Variants in ATP6V1C2 observed in about 807,000 individuals in gnomAD.
ATP6V1C2 encodes ATPase H+ transporting V1 subunit C2, also known as V-type proton ATPase subunit C 2.
A neutral mutation model predicts 56.8 loss-of-function variants in ATP6V1C2; 45 were observed. The observed-to-expected ratio is 0.79, with a 90% CI of 0.62 to 1.02. The LOEUF (loss-of-function observed/expected upper bound fraction) is 1.02, where lower values mean the gene tolerates loss of function less well. ATP6V1C2 is among the 50% of genes least tolerant of loss of function. The pLI is 0.00. For synonymous variants in ATP6V1C2, 220 were observed against 201.3 expected, an observed-to-expected ratio of 1.09 and a Z score of -0.79; for missense variants, 463 against 519.7, an observed-to-expected ratio of 0.89 and a Z score of 1.06.
intron 3 of ATP6V1C2, among the ~76,000 whole-genome samples, chr2:10,737,855 A>T (rs954973694): frequency 2.6e-5 from 4 of 151,996 alleles, no homozygotes; most frequent in African/African-American, 9.7e-5. Context: ...CACCAGGCCC[A>T]GCTATTTTTT....
intron 3 of ATP6V1C2, among the ~76,000 whole-genome samples, chr2:10,732,843 C>T (rs941149281): frequency 3.3e-5 from 5 of 151,570 alleles, no homozygotes; most frequent in South Asian, 4.2e-4. Context: ...TGGTGGCAGG[C>T]GCCTGTAGTC....
chr2:10,783,416 T>A lies in ATP6V1C2; in HGVS notation c.*153T>A. 1.9e-6 allele frequency: 1 copy of A among 518,540 alleles called. No homozygotes were observed. The highest frequency in any genetic ancestry group is 3.2e-5 in the East Asian group (1 of 30,814). 32.1% of individuals were successfully genotyped at this position (518,540 alleles called of 1,614,324 possible). On this transcript the variant is annotated 3_prime_UTR_variant, in exon 14 of 14. Coordinates refer to ENST00000272238, the MANE Select transcript of ATP6V1C2 (RefSeq NM_001039362.2). ...TTAGTGACAGTTGTATTTATTTTTT[T>A]AAGTTACAATAAAATGCTCTCAAGT...
At chr2:10,757,362 C>T (rs987095622) in intron 4 of ATP6V1C2, 5 of 398,212 alleles carry the variant, frequency 1.3e-5, no homozygotes, top group Non-Finnish European at 1.8e-5. Flanking sequence ...AATGTTCCTA[C>T]CCCACCTGTG....
chr2:10,732,337 C>A (rs888286793), intron 3 of ATP6V1C2, among the ~76,000 whole-genome samples: 2 of 152,116 alleles, frequency 1.3e-5, no homozygotes, highest in Non-Finnish European at 2.9e-5. Flanking sequence ...TGGCTCACTG[C>A]AACCTCCGCC....
intron 10 of ATP6V1C2, among the ~76,000 whole-genome samples, 159 bp downstream of exon 10, chr2:10,775,230 G>C (rs1223191693): frequency 6.6e-6 from 1 of 152,234 alleles, no homozygotes; most frequent in African/African-American, 2.4e-5. Context: ...GCCTGAGCAG[G>C]GTCTGGGGGG....
chr2:10,741,557 G>A (rs1246287443), intron 3 of ATP6V1C2, among the ~76,000 whole-genome samples: 2 of 152,134 alleles, frequency 1.3e-5, no homozygotes, highest in African/African-American at 2.4e-5. Flanking sequence ...GACAGTGGCC[G>A]GGCACTGGCG....
At chr2:10,723,710 G>C (rs1276055843) in intron 2 of ATP6V1C2, among the ~76,000 whole-genome samples, 1 of 151,800 alleles carries the variant, frequency 6.6e-6, no homozygotes, top group Non-Finnish European at 1.5e-5. Flanking sequence ...ATGGTGGCGA[G>C]CGCCTGTAGT....
At chr2:10,722,660 G>T in intron 1 of ATP6V1C2, 164 bp from the exon 2 acceptor site, 1 of 717,764 alleles carries the variant, frequency 1.4e-6, no homozygotes, top group African/African-American at 1.8e-5. Context: ...GGGAACACCT[G>T]AGGGCTGCCC....
intron 3 of ATP6V1C2, among the ~76,000 whole-genome samples, chr2:10,742,983 C>T (rs1042305261): frequency 6.6e-6 from 1 of 152,184 alleles, no homozygotes. Flanking sequence ...CCCCACTCCT[C>T]CCACTCCATC....
chr2:10,731,965 CCT>C (rs1405765016), intron 3 of ATP6V1C2, among the ~76,000 whole-genome samples: 1 of 151,742 alleles, frequency 6.6e-6, no homozygotes. Flanking sequence ...AGAGTGAGAC[CCT>C]GTCTCAGGAA....
At chr2:10,732,967 CAA>C (rs34565390) in intron 3 of ATP6V1C2, among the ~76,000 whole-genome samples, 1 of 126,074 alleles carries the variant, frequency 7.9e-6, no homozygotes, top group Non-Finnish European at 1.7e-5. Context: ...AAGACTGTCT[CAA>C]AAAAAAAAAA....
intron 3 of ATP6V1C2, among the ~76,000 whole-genome samples, 167 bp from the exon 4 acceptor site, chr2:10,753,814 G>A (rs1210092213): frequency 1.3e-5 from 2 of 152,122 alleles, no homozygotes; most frequent in Admixed American, 1.3e-4. Flanking sequence ...GATTACAGGT[G>A]TGACCCACTG....
intron 12 of ATP6V1C2, 111 bp downstream of exon 12, chr2:10,778,780 TTC>T: frequency 2.0e-6 from 2 of 1,019,908 alleles, no homozygotes. Flanking sequence ...CCCGTCTCCT[TTC>T]TGAGACTGTG....
At position 10,772,524 on chromosome 2, in the gene ATP6V1C2, G is replaced by A. The variant is rs1030010413; in HGVS notation, c.570-18G>A. On this transcript the variant is annotated intron_variant, in intron 7 of 13. Coordinates refer to ENST00000272238, the MANE Select transcript of ATP6V1C2 (RefSeq NM_001039362.2). ...CCTTTTCTGCAAAAAATCACGTAAC[G>A]ATTCTATGTTCTTGCAGACCAAACT... 3 of 1,609,968 alleles carry A rather than the reference G, an allele frequency of 1.9e-6. No individual in the cohort carries two copies. The highest frequency in any genetic ancestry group is 1.7e-5 in the Admixed American group (1 of 59,990).
At chr2:10,742,102 G>T (rs961986563) in intron 3 of ATP6V1C2, among the ~76,000 whole-genome samples, 1 of 152,158 alleles carries the variant, frequency 6.6e-6, no homozygotes, top group African/African-American at 2.4e-5. Flanking sequence ...TAGAGACAGG[G>T]TTTGGCCATG....
chr2:10,723,474 A>G (rs898697267), intron 2 of ATP6V1C2, among the ~76,000 whole-genome samples: 7 of 152,024 alleles, frequency 4.6e-5, no homozygotes, highest in Admixed American at 1.3e-4. Flanking sequence ...GTGACAGAAG[A>G]GAGTTTGGGT....
rs180814702 is a variant in ATP6V1C2 at position 10,763,222 on chromosome 2, C to T, written c.284-1109C>T. ...AGTACGTAGCGCTGCCAGCCCTCCT[C>T]ACCTGACACCCGGCGCCCTCCATCA... On this transcript the variant is annotated intron_variant, in intron 4 of 13. Coordinates refer to ENST00000272238, the MANE Select transcript of ATP6V1C2 (RefSeq NM_001039362.2). The surrounding 1 kb of genome is among the most constrained non-coding windows in gnomAD (Gnocchi z 4.2). Among the ~76,000 whole-genome samples, 251 of 152,288 alleles carry T rather than the reference C, an allele frequency of 1.6e-3. 1 individual carries two copies. Among genetic ancestry groups the T allele is most frequent in the African/African-American group, 5.7e-3 (237 of 41,574 alleles).
At chr2:10,776,256 C>T (rs1188632491) in intron 10 of ATP6V1C2, among the ~76,000 whole-genome samples, 12 of 125,654 alleles carry the variant, frequency 9.6e-5, no homozygotes, top group African/African-American at 9.4e-5. Flanking sequence ...TAGCACAGGG[C>T]GCTCACACAC....
chr2:10,781,252 C>T (rs1225905976), intron 12 of ATP6V1C2, among the ~76,000 whole-genome samples: 5 of 152,120 alleles, frequency 3.3e-5, no homozygotes, highest in Admixed American at 1.3e-4. Flanking sequence ...GGGGGAGGAG[C>T]GCCTTAAGCT....
Sources: gnomAD v4.1 joint callset for allele counts (sites outside exome capture counted in the v4.1 genomes callset) on GRCh38, gnomAD v4.1.1 for gene constraint, Gnocchi (gnomAD v3.1) non-coding constraint, MANE v1.5 for transcripts, NCBI Gene and HGNC (gene_info 2026-07-23, HGNC 2026-07-21) for gene names.